Variants in ZNF469 observed in about 807,000 individuals in gnomAD.
ZNF469 encodes the protein zinc finger protein 469.
A neutral mutation model predicts 1.0 loss-of-function variants in ZNF469; 1 was observed. That is an observed-to-expected ratio of 1.00 (90% CI 0.35 to 4.73). The LOEUF is 4.73. ZNF469 is among the 30% of genes most tolerant of loss of function. ZNF469 has a pLI of 0.16. For synonymous variants in ZNF469, 2,703 were observed against 2,363.4 expected (o/e 1.14, Z -4.17); for missense variants, 6,100 against 5,356.3 (o/e 1.14, Z -4.33).
intron 1 of ZNF469, among the ~76,000 whole-genome samples, chr16:88,419,893 C>T (rs1252586958): frequency 6.6e-6 from 1 of 152,238 alleles, no homozygotes; most frequent in South Asian, 2.1e-4. Flanking sequence ...GTGGGGCTCA[C>T]GCAATGCCCT....
At chr16:88,133,557 CAG>C in the ZNF469 span, among the ~76,000 whole-genome samples, 2 of 151,982 alleles carry the variant, frequency 1.3e-5, no homozygotes, top group Non-Finnish European at 2.9e-5. Context: ...ATAAAACCAA[CAG>C]ATTTAACCAA....
At chr16:88,370,955 G>T in the ZNF469 span, among the ~76,000 whole-genome samples, 385 of 152,368 alleles carry the variant, frequency 2.5e-3, no homozygotes, top group African/African-American at 8.9e-3. Context: ...CCTGCTGGAG[G>T]ATGGGAGGCA....
chr16:88,405,296 G>T (rs1480543005), intron 1 of ZNF469, among the ~76,000 whole-genome samples: 5 of 152,170 alleles, frequency 3.3e-5, no homozygotes, highest in Non-Finnish European at 5.9e-5. Context: ...TAGCCCCTGG[G>T]CTACCGCTGT....
intron 1 of ZNF469, among the ~76,000 whole-genome samples, chr16:88,398,484 AGGG>A (rs1157590257): frequency 6.6e-6 from 1 of 151,172 alleles, no homozygotes; most frequent in African/African-American, 2.4e-5. Flanking sequence ...CCACGGATGA[AGGG>A]GGGCATGTGA....
Position 88,432,324 on chromosome 16 carries a change from C to A in ZNF469, c.4854C>A (p.His1618Gln). The change falls in exon 3 of 3, where the codon CAC becomes CAA. Residue 1618 changes from histidine to glutamine, a missense_variant. Coordinates refer to ENST00000565624, the MANE Select transcript of ZNF469 (RefSeq NM_001367624.2). ...GCACCTGCCAGGCCACCGTGCCCCA[C>A]GAGGACACGTTCTCGGCAGCTGACC... ...QRRTCQATVP[H>Q]EDTFSAADLT... The A allele has an allele frequency of 6.5e-7, 1 of 1,547,992 alleles. No individual in the cohort carries two copies. Among genetic ancestry groups the A allele is most frequent in the Non-Finnish European group, 8.7e-7 (1 of 1,146,942 alleles).
the ZNF469 span, among the ~76,000 whole-genome samples, chr16:88,333,116 C>T: frequency 1.1e-4 from 17 of 152,204 alleles, no homozygotes; most frequent in Non-Finnish European, 2.2e-4. Context: ...GCCCACTGCC[C>T]ATGCTGTGGC....
chr16:88,354,470 GTGTT>G, the ZNF469 span, among the ~76,000 whole-genome samples: 1 of 152,160 alleles, frequency 6.6e-6, no homozygotes, highest in African/African-American at 2.4e-5. Flanking sequence ...GGTCAAGTCT[GTGTT>G]TGGCCACTTA....
rs1047380347 is a variant in ZNF469, at chr16:88,431,350, C to G, written c.3880C>G (p.Pro1294Ala). Reference protein sequence around the residue: ...LANTAPHGSSPTPGVGSLLGG... With the variant: ...LANTAPHGSSATPGVGSLLGG... ...CAACACGGCGCCCCACGGAAGCTCG[C>G]CAACGCCAGGTGTGGGCAGCCTGCT... Residue 1294 changes from proline (P) to alanine (A), a missense_variant, in exon 3 of 3, where the codon CCA becomes GCA. Coordinates refer to ENST00000565624, the MANE Select transcript of ZNF469 (RefSeq NM_001367624.2). 1 of 1,549,480 alleles carries G rather than the reference C, an allele frequency of 6.5e-7. No individual in the cohort carries two copies. Among genetic ancestry groups the G allele is most frequent in the African/African-American group, 1.4e-5 (1 of 73,060 alleles).
chr16:88,134,699 G>A, the ZNF469 span, among the ~76,000 whole-genome samples: 5,936 of 152,344 alleles, frequency 0.039, 391 homozygotes, highest in African/African-American at 0.14. Context: ...ACAGCAGGGT[G>A]TTGCCACGCG....
chr16:88,131,485 T>TTGTTAGAACCTCTCG, the ZNF469 span, among the ~76,000 whole-genome samples: 1 of 144,744 alleles, frequency 6.9e-6, no homozygotes, highest in Admixed American at 7.0e-5. Flanking sequence ...CGTGGCCTGT[T>TTGTTAGAACCTCTCG]GTTAGAACCT....
chr16:88,239,521 C>T, the ZNF469 span, among the ~76,000 whole-genome samples: 1 of 148,016 alleles, frequency 6.8e-6, no homozygotes, highest in Admixed American at 6.7e-5. Context: ...CGGAGTCTCG[C>T]TCTGTCACCA....
the ZNF469 span, among the ~76,000 whole-genome samples, chr16:88,222,419 G>C: frequency 6.6e-6 from 1 of 152,174 alleles, no homozygotes; most frequent in Admixed American, 6.5e-5. Flanking sequence ...CTCCCGAGTA[G>C]CTGGGACTAC....
chr16:88,152,279 A>T, the ZNF469 span, among the ~76,000 whole-genome samples: 1 of 152,184 alleles, frequency 6.6e-6, no homozygotes, highest in Non-Finnish European at 1.5e-5. This position sits in a 1 kb window ranked among gnomAD's most constrained non-coding sequence, Gnocchi z 4.2. Flanking sequence ...ACCCTCTGAG[A>T]TGGGCTTTGG....
chr16:88,417,066 C>T (rs1905320737), intron 1 of ZNF469, among the ~76,000 whole-genome samples: 1 of 152,234 alleles, frequency 6.6e-6, no homozygotes, highest in African/African-American at 2.4e-5. Flanking sequence ...CAGACTTGGG[C>T]ACCGCCTGCC....
chr16:88,248,376 A>G, the ZNF469 span, among the ~76,000 whole-genome samples: 12 of 152,182 alleles, frequency 7.9e-5, no homozygotes, highest in Admixed American at 7.9e-4. Context: ...GGACTGAAAT[A>G]TTGGTCCAGT....
Position 88,428,850 on chromosome 16 carries a change from G to A in ZNF469, c.1380G>A (p.Arg460=). ...CTGGGGGCCCCCTGGCTGCCACCAG[G>A]AGTATGTTCTTTAACGGCCAGCCCA... ...TPPGGPLAAT[R]SMFFNGQPSP... is the part of the protein sequence containing the mutation. The change falls in exon 3 of 3, where the codon AGG becomes AGA. Residue 460 remains arginine (R), a synonymous_variant. Transcript: ENST00000565624. 2 of 1,548,558 alleles carry A rather than the reference G, an allele frequency of 1.3e-6. No homozygotes were observed. The highest frequency in any genetic ancestry group is 1.7e-6 in the Non-Finnish European group (2 of 1,146,456).
At chr16:88,294,095 G>C in the ZNF469 span, among the ~76,000 whole-genome samples, 7 of 152,320 alleles carry the variant, frequency 4.6e-5, no homozygotes, top group East Asian at 1.4e-3. Flanking sequence ...GGATGTGAGG[G>C]TTATCTTCCT....
chr16:88,292,904 A>G, the ZNF469 span, among the ~76,000 whole-genome samples: 2 of 151,890 alleles, frequency 1.3e-5, no homozygotes, highest in African/African-American at 4.8e-5. Context: ...CTGGTCCGCT[A>G]GACAGTCTCT....
chr16:88,342,469 G>A, the ZNF469 span, among the ~76,000 whole-genome samples: 38 of 152,326 alleles, frequency 2.5e-4, no homozygotes, highest in Non-Finnish European at 4.7e-4. Context: ...CTGAGGGTCA[G>A]AGAGGATGAT....
Sources: gnomAD v4.1 joint callset for allele counts (sites outside exome capture counted in the v4.1 genomes callset) on GRCh38, gnomAD v4.1.1 for gene constraint, Gnocchi (gnomAD v3.1) non-coding constraint, MANE v1.5 for transcripts, NCBI Gene and HGNC (gene_info 2026-07-23, HGNC 2026-07-21) for gene names.